Variants in RPS6KA6 observed in about 807,000 individuals in gnomAD.
The protein encoded by RPS6KA6 is ribosomal protein S6 kinase alpha-6.
A neutral mutation model predicts 65.4 loss-of-function variants in RPS6KA6; 27 were observed. That is an observed-to-expected ratio of 0.41 (90% CI 0.30 to 0.57). The LOEUF (loss-of-function observed/expected upper bound fraction) is 0.57. Ranked by LOEUF, RPS6KA6 falls within the 20% of genes least tolerant of loss-of-function variation. The pLI, the probability that RPS6KA6 is intolerant of heterozygous loss-of-function variation, is 0.24. For synonymous variants in RPS6KA6, 190 were observed against 184.2 expected, an observed-to-expected ratio of 1.03 and a Z score of -0.26; for missense variants, 486 against 555.6, an observed-to-expected ratio of 0.87 and a Z score of 1.26.
intron 20 of RPS6KA6, among the ~76,000 whole-genome samples, chrX:84,074,182 T>C (rs2033609954): frequency 1.8e-5 from 2 of 112,251 alleles, no homozygotes; most frequent in South Asian, 7.3e-4. Flanking sequence ...TGGAATACTA[T>C]TGGCCAAAAG....
At chrX:84,119,490 T>C (rs2034627583) in intron 9 of RPS6KA6, among the ~76,000 whole-genome samples, 1 of 111,602 alleles carries the variant, frequency 9.0e-6, no homozygotes, top group Middle Eastern at 4.7e-3. Flanking sequence ...AACAGGTTTA[T>C]AACCTTTCTA....
At chrX:84,121,879 A>T (rs1198206104) in intron 8 of RPS6KA6, among the ~76,000 whole-genome samples, 2 of 112,514 alleles carry the variant, frequency 1.8e-5, no homozygotes, top group Non-Finnish European at 3.8e-5. Context: ...TCCATAAAAG[A>T]AAAATAATGA....
At chrX:84,148,406 C>T (rs2035239230) in intron 3 of RPS6KA6, among the ~76,000 whole-genome samples, 3 of 109,672 alleles carry the variant, frequency 2.7e-5, no homozygotes, top group Non-Finnish European at 3.8e-5. Flanking sequence ...AAAAGTTATA[C>T]CTTCTCCTAT....
At chrX:84,152,581 C>T (rs2035346779) in intron 3 of RPS6KA6, among the ~76,000 whole-genome samples, 1 of 111,181 alleles carries the variant, frequency 9.0e-6, no homozygotes, top group African/African-American at 3.3e-5. Flanking sequence ...GCTATATCAC[C>T]TTATCTTCCC....
chrX:84,138,647 C>A (rs900220896), intron 6 of RPS6KA6, among the ~76,000 whole-genome samples: 2 of 112,373 alleles, frequency 1.8e-5, no homozygotes, highest in African/African-American at 6.5e-5. Context: ...AAACAAAAAT[C>A]CCTATTGTGG....
intron 2 of RPS6KA6, among the ~76,000 whole-genome samples, chrX:84,157,613 C>A (rs901186374): frequency 1.9e-4 from 21 of 110,790 alleles, no homozygotes; most frequent in Admixed American, 5.8e-4. Context: ...CTTCAGTTTT[C>A]TCACATGACA....
chrX:84,149,832 A>G (rs1384406320), intron 3 of RPS6KA6, among the ~76,000 whole-genome samples: 2 of 111,802 alleles, frequency 1.8e-5, no homozygotes, highest in African/African-American at 6.5e-5. Flanking sequence ...CAGGATCACT[A>G]GCTTCTATCA....
intron 20 of RPS6KA6, among the ~76,000 whole-genome samples, chrX:84,086,542 TTC>T (rs2033925901): frequency 9.0e-6 from 1 of 110,952 alleles, no homozygotes; most frequent in South Asian, 3.8e-4. Flanking sequence ...ATTTCAGTTT[TTC>T]TTTTTTTTTG....
At chrX:84,187,702 G>A in intron 1 of RPS6KA6, 117 bp downstream of exon 1, 1 of 673,185 alleles carries the variant, frequency 1.5e-6, no homozygotes, top group Non-Finnish European at 2.2e-6. Flanking sequence ...GCATCAAGGG[G>A]GCTTGCCCGG....
chrX:84,144,231 A>G, intron 6 of RPS6KA6, among the ~76,000 whole-genome samples: 1 of 111,572 alleles, frequency 9.0e-6, no homozygotes, highest in East Asian at 2.8e-4. Flanking sequence ...CTGTTAAGAG[A>G]ATGAAAAGAC....
chrX:84,112,626 T>C (rs763618002), intron 12 of RPS6KA6, among the ~76,000 whole-genome samples: 1 of 111,359 alleles, frequency 9.0e-6, no homozygotes, highest in African/African-American at 3.3e-5. Flanking sequence ...TGAATGAAAA[T>C]AGAGACAGAA....
intron 1 of RPS6KA6, among the ~76,000 whole-genome samples, chrX:84,182,063 TCA>T (rs760743646): frequency 0.021 from 703 of 32,736 alleles, 3 homozygotes; most frequent in Middle Eastern, 0.089. Flanking sequence ...TCTCTCTCTC[TCA>T]CACACACACA....
At position 84,102,138 on chromosome X, in the gene RPS6KA6, C is replaced by A. The variant is rs368158027; in HGVS notation, c.1675G>T (p.Asp559Tyr). ...CCAAAATCACATATCCTGATTGAAT[C>A]TGCACTGGCTGATTCATCCATGTAT... ...ILYMDESASADSIRICDFGFA... is the reference protein window; with the variant it reads ...ILYMDESASAYSIRICDFGFA... The change falls in exon 18 of 22, where the codon GAT becomes TAT. Residue 559 changes from aspartate to tyrosine, a missense_variant. Around this residue, in one of 3 missense-constraint regions of RPS6KA6, gnomAD observed 345 missense variants for 375.0 expected, o/e 0.92. Transcript: ENST00000262752. The A allele has an allele frequency of 8.5e-7, 1 of 1,182,908 alleles. No individual in the cohort carries two copies. The highest frequency in any genetic ancestry group is 1.9e-5 in the South Asian group (1 of 52,762).
At chrX:84,178,038 C>T (rs747549941) in intron 1 of RPS6KA6, among the ~76,000 whole-genome samples, 1 of 111,636 alleles carries the variant, frequency 9.0e-6, no homozygotes, top group Middle Eastern at 4.6e-3. Context: ...AAGTATTCCT[C>T]GCACGCTGCC....
intron 1 of RPS6KA6, among the ~76,000 whole-genome samples, chrX:84,169,830 TTA>T (rs1476128727): frequency 1.8e-5 from 2 of 111,160 alleles, no homozygotes; most frequent in Middle Eastern, 4.6e-3. Flanking sequence ...TTTGACAATA[TTA>T]TATATTTTCA....
rs373855471 is a variant in RPS6KA6, at chrX:84,093,836, ACCT to A, written c.1971+2355_1971+2357del. On this transcript the variant is annotated intron_variant, in intron 20 of 21. Transcript: ENST00000262752. ...TAACGCTTAGTTCCCTAATCCTTTG[ACCT>A]CCTCAATTTCTCCAGTTATTTTCTG... Among the ~76,000 whole-genome samples, 207 of 111,388 alleles carry A rather than the reference ACCT, an allele frequency of 1.9e-3. 1 individual carries two copies. The highest frequency in any genetic ancestry group is 6.6e-3 in the African/African-American group (203 of 30,616).
chrX:84,143,625 T>C (rs1048434336), intron 6 of RPS6KA6, among the ~76,000 whole-genome samples: 7 of 111,516 alleles, frequency 6.3e-5, no homozygotes, highest in Non-Finnish European at 1.1e-4. Context: ...AATTGACCTA[T>C]ACATTCAATA....
intron 1 of RPS6KA6, among the ~76,000 whole-genome samples, chrX:84,167,604 G>C (rs763009228): frequency 7.2e-5 from 8 of 111,834 alleles, no homozygotes; most frequent in Non-Finnish European, 1.5e-4. Flanking sequence ...CAACATGGAT[G>C]AATCCCAAAC....
chrX:84,182,897 C>G (rs750354548), intron 1 of RPS6KA6, among the ~76,000 whole-genome samples: 25 of 112,288 alleles, frequency 2.2e-4, no homozygotes, highest in Non-Finnish European at 9.4e-5. Flanking sequence ...TCTGTACTCA[C>G]GGCTGCTGAC....
Sources: gnomAD v4.1 joint callset for allele counts (sites outside exome capture counted in the v4.1 genomes callset) on GRCh38, gnomAD v4.1.1 for gene constraint, gnomAD v4.1.1 regional missense constraint, MANE v1.5 for transcripts, NCBI Gene and HGNC (gene_info 2026-07-23, HGNC 2026-07-21) for gene names.